SEMA5A: variants seen among roughly 807,000 people sequenced by gnomAD.
SEMA5A encodes the protein semaphorin-5A.
Under a neutral mutation model 135.5 loss-of-function variants are expected in SEMA5A, and 55 were observed. The observed-to-expected ratio is 0.41, with a 90% CI of 0.33 to 0.51. The LOEUF is 0.51. Ranked by LOEUF, SEMA5A falls within the 20% of genes least tolerant of loss-of-function variation. The pLI is 0.37. For missense variants in SEMA5A, 1,290 were observed against 1,419.9 expected, an observed-to-expected ratio of 0.91 and a Z score of 1.47; for synonymous variants, 580 against 546.5, an observed-to-expected ratio of 1.06 and a Z score of -0.85.
chr5:9,163,760 GAGA>G (rs1370254155), intron 11 of SEMA5A, among the ~76,000 whole-genome samples: 2 of 151,794 alleles, frequency 1.3e-5, no homozygotes, highest in African/African-American at 2.4e-5. Context: ...CTTATAAAAA[GAGA>G]AGGTTAGGAT....
intron 1 of SEMA5A, among the ~76,000 whole-genome samples, chr5:9,464,139 C>T (rs1289759350): frequency 6.6e-6 from 1 of 152,132 alleles, no homozygotes; most frequent in Non-Finnish European, 1.5e-5. Context: ...TGAATGACAA[C>T]ACCAAAAATA....
At chr5:9,221,099 G>A (rs1746926310) in intron 8 of SEMA5A, among the ~76,000 whole-genome samples, 1 of 152,086 alleles carries the variant, frequency 6.6e-6, no homozygotes, top group South Asian at 2.1e-4. Flanking sequence ...TCCGCAACAA[G>A]TCCAACTCTC....
chr5:9,349,166 A>C (rs908267694), intron 3 of SEMA5A, among the ~76,000 whole-genome samples: 8 of 152,354 alleles, frequency 5.3e-5, no homozygotes, highest in Middle Eastern at 3.4e-3. Context: ...ATAAGTCCCA[A>C]GGTGGCCTCT....
chr5:9,225,389 TAAAAAAA>T (rs34806769), intron 7 of SEMA5A, among the ~76,000 whole-genome samples: 2 of 43,082 alleles, frequency 4.6e-5, no homozygotes, highest in African/African-American at 1.0e-4. Flanking sequence ...CCATCTCTAC[TAAAAAAA>T]AAAAAAAAAA....
At chr5:9,047,158 A>G (rs1167553322) in intron 21 of SEMA5A, among the ~76,000 whole-genome samples, 1 of 152,218 alleles carries the variant, frequency 6.6e-6, no homozygotes, top group Admixed American at 6.5e-5. Context: ...TCTCTCTCTG[A>G]CAGAGCTGTT....
At chr5:9,085,198 G>A (rs1182648016) in intron 16 of SEMA5A, among the ~76,000 whole-genome samples, 1 of 152,198 alleles carries the variant, frequency 6.6e-6, no homozygotes, top group African/African-American at 2.4e-5. Context: ...TTGACAATGG[G>A]ATAGAAAAGA....
intron 1 of SEMA5A, among the ~76,000 whole-genome samples, chr5:9,504,520 C>T (rs1008962219): frequency 4.6e-5 from 7 of 152,102 alleles, no homozygotes; most frequent in African/African-American, 1.2e-4. Context: ...CAATAAGTAC[C>T]GGGGTCTCAA....
chr5:9,119,693 A>G (rs1740707035), intron 14 of SEMA5A, among the ~76,000 whole-genome samples: 1 of 152,204 alleles, frequency 6.6e-6, no homozygotes, highest in South Asian at 2.1e-4. Flanking sequence ...TAACTATCAA[A>G]GCTTTAAAAC....
At chr5:9,296,711 G>A (rs891198725) in intron 5 of SEMA5A, among the ~76,000 whole-genome samples, 1 of 151,842 alleles carries the variant, frequency 6.6e-6, no homozygotes, top group African/African-American at 2.4e-5. Flanking sequence ...AAAGCAGGCC[G>A]GTCAAAAAGT....
intron 16 of SEMA5A, among the ~76,000 whole-genome samples, chr5:9,069,497 T>C (rs1322969891): frequency 6.6e-6 from 1 of 152,250 alleles, no homozygotes; most frequent in Non-Finnish European, 1.5e-5. Context: ...TGTGTGTCCA[T>C]GCCACCAACT....
chr5:9,476,343 A>G (rs1201133900), intron 1 of SEMA5A, among the ~76,000 whole-genome samples: 1 of 152,280 alleles, frequency 6.6e-6, no homozygotes, highest in African/African-American at 2.4e-5. Context: ...ACCCTTGCAC[A>G]TGTTGGGGGT....
chr5:9,262,878 C>A, intron 5 of SEMA5A, among the ~76,000 whole-genome samples: 2 of 109,478 alleles, frequency 1.8e-5, no homozygotes, highest in African/African-American at 3.6e-5. Context: ...CACATGTACC[C>A]TAAAACTTAG....
chr5:9,519,006 C>T (rs778815773), intron 1 of SEMA5A, among the ~76,000 whole-genome samples: 4 of 152,002 alleles, frequency 2.6e-5, no homozygotes, highest in Non-Finnish European at 4.4e-5. Context: ...AAATTAATAA[C>T]TATGGCATAT....
rs185873499 is a variant in SEMA5A at position 9,118,388 on chromosome 5, A to C, written c.1925+610T>G. On this transcript the variant is annotated intron_variant, in intron 15 of 22. Transcript: ENST00000382496. Reference sequence around the variant, plus strand: ...ATTGCAGAGGTTGAGCCTGAAACCAAATGTCTAATTCTACACCAAGAAACA... The same window carrying C: ...ATTGCAGAGGTTGAGCCTGAAACCACATGTCTAATTCTACACCAAGAAACA... Among the ~76,000 whole-genome samples the C allele has an allele frequency of 3.9e-5, 6 of 152,346 alleles. No homozygotes were observed. The East Asian group carries it at 1.2e-3, about 29-fold the overall frequency.
chr5:9,049,419 C>A (rs1736448742), intron 21 of SEMA5A, among the ~76,000 whole-genome samples: 2 of 152,214 alleles, frequency 1.3e-5, no homozygotes, highest in Non-Finnish European at 2.9e-5. Context: ...CCTGCCTCGG[C>A]CTCCCAAAGT....
At chr5:9,302,516 C>T (rs1207935042) in intron 5 of SEMA5A, among the ~76,000 whole-genome samples, 4 of 152,200 alleles carry the variant, frequency 2.6e-5, no homozygotes, top group Admixed American at 6.5e-5. Context: ...GTGGTAGAAA[C>T]AGCACATTTC....
intron 13 of SEMA5A, among the ~76,000 whole-genome samples, chr5:9,129,554 C>A (rs1259316439): frequency 6.6e-6 from 1 of 152,190 alleles, no homozygotes; most frequent in Non-Finnish European, 1.5e-5. Context: ...AATCTAAGTT[C>A]TGTGGCTTTA....
chr5:9,362,825 T>C (rs904649301), intron 3 of SEMA5A, among the ~76,000 whole-genome samples: 4 of 152,202 alleles, frequency 2.6e-5, no homozygotes, highest in Non-Finnish European at 5.9e-5. Context: ...AGAAACTCTT[T>C]AGTCTTCAAC....
At chr5:9,100,583 C>T (rs540509339) in intron 16 of SEMA5A, among the ~76,000 whole-genome samples, 1 of 152,266 alleles carries the variant, frequency 6.6e-6, no homozygotes, top group Non-Finnish European at 1.5e-5. Flanking sequence ...GAGCTTTTCC[C>T]TCTTTCCTGC....
Sources: gnomAD v4.1 joint callset for allele counts (sites outside exome capture counted in the v4.1 genomes callset) on GRCh38, gnomAD v4.1.1 for gene constraint, MANE v1.5 for transcripts, NCBI Gene and HGNC (gene_info 2026-07-23, HGNC 2026-07-21) for gene names.